CDIN1: variants seen among roughly 807,000 people sequenced by gnomAD.
CDIN1 encodes the protein CDAN1 interacting nuclease 1.
A neutral mutation model predicts 45.3 loss-of-function variants in CDIN1; 33 were observed. The ratio of observed to expected loss-of-function variants is 0.73; its 90% CI spans 0.55 to 0.97. The LOEUF is 0.97. Among genes scored for constraint, CDIN1 ranks in the 50% least tolerant of loss-of-function variants. The pLI is 0.00. For synonymous variants in CDIN1, 118 were observed against 124.4 expected (o/e 0.95, Z 0.34); for missense variants, 303 against 339.4 (o/e 0.89, Z 0.84).
chr15:36,684,352 T>G (rs1414309129), intron 5 of CDIN1, among the ~76,000 whole-genome samples: 1 of 152,016 alleles, frequency 6.6e-6, no homozygotes, highest in East Asian at 1.9e-4. Context: ...TTTGTCTTTG[T>G]CTCTGTTTAT....
At chr15:36,596,830 C>A (rs1259011325) in intron 1 of CDIN1, among the ~76,000 whole-genome samples, 5 of 152,026 alleles carry the variant, frequency 3.3e-5, no homozygotes, top group Non-Finnish European at 7.4e-5. Flanking sequence ...AGAATATGCT[C>A]TCATGTTCAC....
intron 1 of CDIN1, chr15:36,618,556 T>C: frequency 1.0e-6 from 1 of 955,904 alleles, no homozygotes; most frequent in Non-Finnish European, 1.7e-6. Flanking sequence ...TGGAAGTTCA[T>C]CAAGAATCCC....
chr15:36,650,860 C>T (rs1374231656), intron 3 of CDIN1, among the ~76,000 whole-genome samples: 7 of 152,056 alleles, frequency 4.6e-5, no homozygotes, highest in Non-Finnish European at 8.8e-5. Context: ...ATCAGGATTT[C>T]GAGACCAGCT....
intron 10 of CDIN1, among the ~76,000 whole-genome samples, chr15:36,781,633 T>C (rs2054355242): frequency 6.6e-6 from 1 of 152,252 alleles, no homozygotes; most frequent in African/African-American, 2.4e-5. Context: ...TTAGCACAGA[T>C]ATCCTTTTCA....
chr15:36,709,420 A>G, intron 9 of CDIN1, 132 bp downstream of exon 9: 1 of 543,494 alleles, frequency 1.8e-6, no homozygotes, highest in East Asian at 3.1e-5. Context: ...TTTAAACAGC[A>G]GAAAATAATA....
chr15:36,785,623 C>T (rs1476259687), intron 10 of CDIN1, among the ~76,000 whole-genome samples: 4 of 152,196 alleles, frequency 2.6e-5, no homozygotes, highest in Admixed American at 1.3e-4. Context: ...CTTTTCTACA[C>T]ATTGCAACTT....
chr15:36,672,248 C>CTA (rs1171202681), intron 5 of CDIN1, among the ~76,000 whole-genome samples: 2 of 151,556 alleles, frequency 1.3e-5, no homozygotes, highest in Non-Finnish European at 2.9e-5. Flanking sequence ...TTTTTCCTCA[C>CTA]TATAATATGA....
At chr15:36,619,147 C>A in intron 1 of CDIN1, 1 of 1,132,822 alleles carries the variant, frequency 8.8e-7, no homozygotes, top group Non-Finnish European at 1.3e-6. Context: ...CCATACCATT[C>A]CCAGGGGAGC....
chr15:36,589,148 C>T (rs570486895), intron 1 of CDIN1, among the ~76,000 whole-genome samples: 2 of 151,976 alleles, frequency 1.3e-5, no homozygotes, highest in Non-Finnish European at 2.9e-5. Context: ...TTGACAAAGT[C>T]GACTGAATTT....
chr15:36,694,525 C>T (rs1035296211), intron 7 of CDIN1, among the ~76,000 whole-genome samples: 1 of 152,056 alleles, frequency 6.6e-6, no homozygotes, highest in Non-Finnish European at 1.5e-5. Context: ...AGTAAGACAT[C>T]ACAGAAAGCA....
rs181014931 is a variant in CDIN1 at position 36,709,416 on chromosome 15, C to T, written c.610+128C>T. 2.4e-5 allele frequency: 14 copies of T among 583,210 alleles called. No homozygotes were observed. The Admixed American group carries it at 4.6e-4, about 19-fold the overall frequency. The allele number at this position is 583,210 out of a possible 1,614,324, so 36.1% of individuals were successfully genotyped here. On this transcript the variant is annotated intron_variant, in intron 9 of 10. Transcript: ENST00000566621. The stretch of plus-strand genomic sequence containing the variant: ...ATAATTGGAAAATGTTACTTTTAAA[C>T]AGCAGAAAATAATAGGTTCAGAAGA...
At chr15:36,749,171 G>C (rs1316736637) in intron 10 of CDIN1, among the ~76,000 whole-genome samples, 2 of 152,136 alleles carry the variant, frequency 1.3e-5, no homozygotes, top group Non-Finnish European at 2.9e-5. Flanking sequence ...TAGTGGTTTT[G>C]TTATTGGTTG....
chr15:36,782,075 A>G (rs1003795033), intron 10 of CDIN1, among the ~76,000 whole-genome samples: 2 of 152,232 alleles, frequency 1.3e-5, no homozygotes, highest in African/African-American at 4.8e-5. Flanking sequence ...TAATTAAGAA[A>G]TAGGATCCTC....
At position 36,643,523 on chromosome 15, in the gene CDIN1, G is replaced by A. The variant is rs115946475; in HGVS notation, c.102-755G>A. ...TGTCTGTAAAGGACAGTCGAAAAGAGTAGCAGTGGGGTATTGATTGCTTTT... is the reference window on the plus strand; with the variant it reads ...TGTCTGTAAAGGACAGTCGAAAAGAATAGCAGTGGGGTATTGATTGCTTTT... On this transcript the variant is annotated intron_variant, in intron 1 of 10. Coordinates refer to ENST00000566621, the MANE Select transcript of CDIN1 (RefSeq NM_001321759.2). Among the ~76,000 whole-genome samples the A allele has an allele frequency of 7.4e-3, 1,126 of 152,334 alleles. 18 individuals carry two copies. The highest frequency in any genetic ancestry group is 0.026 in the African/African-American group (1,085 of 41,570).
chr15:36,735,945 A>C (rs1376230816), intron 10 of CDIN1, among the ~76,000 whole-genome samples: 1 of 152,214 alleles, frequency 6.6e-6, no homozygotes, highest in Non-Finnish European at 1.5e-5. Flanking sequence ...AGAGGGAACT[A>C]TTTGGGAAAA....
At chr15:36,733,998 T>C (rs1277045186) in intron 10 of CDIN1, among the ~76,000 whole-genome samples, 1 of 152,142 alleles carries the variant, frequency 6.6e-6, no homozygotes, top group Non-Finnish European at 1.5e-5. Context: ...ATTGTCTTCT[T>C]ATCCTAGATG....
intron 10 of CDIN1, among the ~76,000 whole-genome samples, chr15:36,786,735 TTCC>T (rs1171355402): frequency 2.6e-5 from 4 of 152,182 alleles, no homozygotes; most frequent in Non-Finnish European, 5.9e-5. Flanking sequence ...GGGTCCCTAC[TTCC>T]TCATGTCTCT....
At chr15:36,606,049 C>CGTG (rs1248740295) in intron 1 of CDIN1, among the ~76,000 whole-genome samples, 1 of 151,726 alleles carries the variant, frequency 6.6e-6, no homozygotes, top group Non-Finnish European at 1.5e-5. Context: ...TTTGTTTTGA[C>CGTG]GTGAGTGTTA....
chr15:36,700,429 C>A (rs1381246012), intron 8 of CDIN1, among the ~76,000 whole-genome samples: 1 of 152,124 alleles, frequency 6.6e-6, no homozygotes, highest in East Asian at 1.9e-4. Context: ...AGGTTACTTC[C>A]ATTAAACCTT....
Sources: gnomAD v4.1 joint callset for allele counts (sites outside exome capture counted in the v4.1 genomes callset) on GRCh38, gnomAD v4.1.1 for gene constraint, MANE v1.5 for transcripts, NCBI Gene and HGNC (gene_info 2026-07-23, HGNC 2026-07-21) for gene names.